CTNNA3: variants seen among roughly 807,000 people sequenced by gnomAD.
CTNNA3 encodes catenin alpha-3.
CTNNA3 carries 76 observed loss-of-function variants against 95.7 expected under a neutral mutation model. The observed-to-expected ratio is 0.79, with a 90% CI of 0.66 to 0.96. CTNNA3 has a LOEUF of 0.96. CTNNA3 is among the 40% of genes least tolerant of loss of function. The pLI is 0.00. For synonymous variants in CTNNA3, 431 were observed against 374.4 expected (o/e 1.15, Z -1.74); for missense variants, 1,191 against 1,089.8 (o/e 1.09, Z -1.31).
chr10:67,131,526 T>C lies in CTNNA3; in HGVS notation c.1047+48791A>G, dbSNP rs1472124878. Among the ~76,000 whole-genome samples, 11 of 152,162 alleles carry C rather than the reference T, an allele frequency of 7.2e-5. No individual in the cohort carries two copies. The East Asian group carries it at 1.5e-3, about 21-fold the overall frequency. ...CATTATGCCGGGTGTTGGTAGACCA[T>C]TGGTGAACAAAGGAGGCTTGGTTCC... is the stretch of plus-strand genomic sequence containing the variant. On this transcript the variant is annotated intron_variant, in intron 7 of 17. Transcript: ENST00000433211.
chr10:66,864,722 T>C (rs1402612714), intron 7 of CTNNA3, among the ~76,000 whole-genome samples: 2 of 152,136 alleles, frequency 1.3e-5, no homozygotes, highest in East Asian at 1.9e-4. Context: ...AACACTGCAA[T>C]AGAACGTCTC....
chr10:66,980,354 C>T (rs1172622654), intron 7 of CTNNA3, among the ~76,000 whole-genome samples: 1 of 152,158 alleles, frequency 6.6e-6, no homozygotes, highest in African/African-American at 2.4e-5. Context: ...TTACTGTCTG[C>T]TTGCTCTGTT....
intron 7 of CTNNA3, among the ~76,000 whole-genome samples, chr10:66,974,290 T>G (rs552575180): frequency 6.6e-6 from 1 of 152,306 alleles, no homozygotes; most frequent in Admixed American, 6.5e-5. Flanking sequence ...AGTTATTCCT[T>G]AAGAAGAAAG....
chr10:66,146,474 G>A (rs1478846549), intron 13 of CTNNA3, among the ~76,000 whole-genome samples: 3 of 152,186 alleles, frequency 2.0e-5, no homozygotes, highest in Admixed American at 6.5e-5. Flanking sequence ...AGGAATATGA[G>A]TTGGGGTCCA....
chr10:66,566,179 A>G (rs1285829169), intron 10 of CTNNA3, among the ~76,000 whole-genome samples: 2 of 152,154 alleles, frequency 1.3e-5, no homozygotes, highest in African/African-American at 4.8e-5. Flanking sequence ...GCATTAAATG[A>G]ATGTTTCAGT....
intron 11 of CTNNA3, among the ~76,000 whole-genome samples, chr10:66,391,989 A>G (rs2092937020): frequency 6.6e-6 from 1 of 152,096 alleles, no homozygotes; most frequent in Admixed American, 6.6e-5. Context: ...CTGTAAGATA[A>G]CAGAGGAGAA....
intron 11 of CTNNA3, among the ~76,000 whole-genome samples, chr10:66,427,377 G>A (rs966037658): frequency 1.3e-5 from 2 of 151,566 alleles, no homozygotes; most frequent in African/African-American, 4.9e-5. Context: ...TCTGTTAGTT[G>A]TATTTGTATT....
At chr10:66,460,540 C>T (rs1346242166) in intron 11 of CTNNA3, among the ~76,000 whole-genome samples, 1 of 152,072 alleles carries the variant, frequency 6.6e-6, no homozygotes, top group East Asian at 1.9e-4. Context: ...CCCCTGCCCT[C>T]CTACCCCTCC....
Position 66,711,074 on chromosome 10 carries a change from T to C in CTNNA3, c.1281+55190A>G, listed in dbSNP as rs554855380. On this transcript the variant is annotated intron_variant, in intron 9 of 17. Coordinates refer to ENST00000433211, the MANE Select transcript of CTNNA3 (RefSeq NM_013266.4). ...AGAGTTAGCCACCTGAGGTAGGCAG[T>C]GTGGAAACCTACTCTCAAATACATT... 5.3e-5 allele frequency among the ~76,000 whole-genome samples: 8 copies of C among 152,130 alleles called. No homozygotes were observed. The South Asian group carries it at 1.5e-3, about 28-fold the overall frequency.
intron 15 of CTNNA3, among the ~76,000 whole-genome samples, chr10:66,025,694 G>T (rs953735512): frequency 6.6e-6 from 1 of 152,040 alleles, no homozygotes; most frequent in East Asian, 1.9e-4. Context: ...TATGTAAAAT[G>T]GAGTACATTT....
At chr10:67,398,193 G>A (rs1232437014) in intron 5 of CTNNA3, among the ~76,000 whole-genome samples, 1 of 152,242 alleles carries the variant, frequency 6.6e-6, no homozygotes, top group African/African-American at 2.4e-5. Context: ...GCCAGCCAGT[G>A]AAAGTAGCCA....
chr10:66,569,551 TTTAA>T (rs1256054599), intron 10 of CTNNA3, among the ~76,000 whole-genome samples: 3 of 152,278 alleles, frequency 2.0e-5, no homozygotes, highest in East Asian at 3.9e-4. Flanking sequence ...ACAGAACAAT[TTTAA>T]TTAATAAGCA....
rs1374975755 is a variant in CTNNA3, at chr10:67,565,995, T to TTA, written c.293-26328_293-26327dup. ...ATAAAGAAAATGCAGTATATATATA[T>TTA]TATATATATATACACACACAAACAC... On this transcript the variant is annotated intron_variant, in intron 3 of 17. Transcript: ENST00000433211. Among the ~76,000 whole-genome samples the TTA allele has an allele frequency of 4.6e-3, 489 of 105,582 alleles. 22 individuals are homozygous for TTA. The highest frequency in any genetic ancestry group is 0.016 in the African/African-American group (446 of 27,486). 69.3% of individuals were successfully genotyped at this position (105,582 alleles called of 152,430 possible).
At chr10:67,026,943 G>T (rs776749472) in intron 7 of CTNNA3, among the ~76,000 whole-genome samples, 1 of 152,188 alleles carries the variant, frequency 6.6e-6, no homozygotes, top group Non-Finnish European at 1.5e-5. Flanking sequence ...GAGGGATCAT[G>T]CCTTCTTTAT....
chr10:67,128,996 T>A (rs1859860881), intron 7 of CTNNA3, among the ~76,000 whole-genome samples: 1 of 152,100 alleles, frequency 6.6e-6, no homozygotes, highest in African/African-American at 2.4e-5. Context: ...AAAATTCTTC[T>A]GACCACATGA....
At chr10:65,978,272 A>G (rs2078246086) in intron 16 of CTNNA3, among the ~76,000 whole-genome samples, 1 of 152,066 alleles carries the variant, frequency 6.6e-6, no homozygotes, top group African/African-American at 2.4e-5. Flanking sequence ...TGGACTTATA[A>G]TTGCCGCATT....
chr10:66,223,919 G>A (rs549254306), intron 13 of CTNNA3, among the ~76,000 whole-genome samples: 97 of 152,224 alleles, frequency 6.4e-4, no homozygotes, highest in African/African-American at 2.2e-3. Flanking sequence ...ACAAAAGGCT[G>A]GGTGCAGTGG....
At chr10:65,991,225 G>C (rs2078538858) in intron 15 of CTNNA3, among the ~76,000 whole-genome samples, 1 of 151,934 alleles carries the variant, frequency 6.6e-6, no homozygotes, top group African/African-American at 2.4e-5. Context: ...CCTCAGTATT[G>C]CTTTGGCTAT....
At chr10:66,429,646 A>G (rs908438298) in intron 11 of CTNNA3, among the ~76,000 whole-genome samples, 1 of 152,208 alleles carries the variant, frequency 6.6e-6, no homozygotes, top group Non-Finnish European at 1.5e-5. Context: ...AACCAAAGAC[A>G]AAAAACACAT....
Sources: allele counts gnomAD v4.1 joint callset (sites outside exome capture counted in the v4.1 genomes callset), GRCh38; gene constraint gnomAD v4.1.1; transcripts MANE v1.5; gene names NCBI Gene and HGNC (gene_info 2026-07-23, HGNC 2026-07-21).